ZNF865: variants seen among roughly 807,000 people sequenced by gnomAD.
ZNF865 encodes zinc finger protein 865.
For missense variants in ZNF865, 1,311 were observed against 1,593.4 expected (o/e 0.82, Z 3.02); for synonymous variants, 763 against 750.8 (o/e 1.02, Z -0.27).
Position 55,614,152 on chromosome 19 carries a change from C to A in ZNF865, c.534C>A (p.Gly178=). ...GGCCGGGGGTGACGCCTGGGCTGGG[C>A]GCTCCCGCGGGGGCCCCAGGGCCGC... The part of the protein sequence containing the change: ...ASGPGVTPGL[G]APAGAPGPLP... The change falls in exon 2 of 2, where the codon GGC becomes GGA. Residue 178 remains glycine (G), a synonymous_variant. Coordinates refer to ENST00000568956, the MANE Select transcript of ZNF865 (RefSeq NM_001195605.2). The surrounding 1 kb of genome is among the most constrained non-coding windows in gnomAD (Gnocchi z 8.0). The A allele has an allele frequency of 6.9e-7, 1 of 1,440,594 alleles. No individual in the cohort carries two copies. Among genetic ancestry groups the A allele is most frequent in the Non-Finnish European group, 9.0e-7 (1 of 1,107,230 alleles). The allele number at this position is 1,440,594 out of a possible 1,614,324, so 89.2% of individuals were successfully genotyped here. A position where few individuals can be genotyped will look rare whatever the true frequency, so the allele number is the denominator to read the frequency against.
chr19:55,606,475 T>G (rs1281348912), intron 1 of ZNF865, among the ~76,000 whole-genome samples: 1 of 152,110 alleles, frequency 6.6e-6, no homozygotes, highest in East Asian at 1.9e-4. Flanking sequence ...CTCCCGTACC[T>G]CCTCTCACCC....
At chr19:55,612,035 C>T (rs1981156288) in intron 1 of ZNF865, among the ~76,000 whole-genome samples, 1 of 152,100 alleles carries the variant, frequency 6.6e-6, no homozygotes, top group African/African-American at 2.4e-5. Flanking sequence ...CAGGAGAAGC[C>T]CCACTAAGGG....
chr19:55,614,898 CGGCCCACGCGGGGGCGGGCGCCGGGG>C lies in ZNF865; in HGVS notation c.1285_1310del (p.His429SerfsTer132). On this transcript the variant is annotated frameshift_variant, in exon 2 of 2. Transcript: ENST00000568956. LOFTEE classifies it low-confidence loss of function (END_TRUNC). This position sits in a 1 kb window ranked among gnomAD's most constrained non-coding sequence, Gnocchi z 8.0. ...GCCTCCTACCTCCTCAAGCACCAGG[CGGCCCACGCGGGGGCGGGCGCCGGGG>C]GGCCTCGGCCCGTGTACCCCTGCGA... The C allele has an allele frequency of 6.7e-7, 1 of 1,493,208 alleles. No homozygotes were observed. Among genetic ancestry groups the C allele is most frequent in the Non-Finnish European group, 8.9e-7 (1 of 1,126,106 alleles). The allele number at this position is 1,493,208 out of a possible 1,614,324, so 92.5% of individuals were successfully genotyped here. A position where few individuals can be genotyped will look rare whatever the true frequency, so the allele number is the denominator to read the frequency against.
chr19:55,613,711 C>G lies in ZNF865; in HGVS notation c.93C>G (p.Phe31Leu). 6.5e-7 allele frequency: 1 copy of G among 1,534,648 alleles called. No individual in the cohort carries two copies. The highest frequency in any genetic ancestry group is 8.7e-7 in the Non-Finnish European group (1 of 1,146,256). The change falls in exon 2 of 2, where the codon TTC becomes TTG. Residue 31 changes from phenylalanine (F) to leucine (L), a missense_variant. Phe to Leu is a conservative substitution (Grantham distance 22). Transcript: ENST00000568956. ...EDGVHFQSYP[F>L]DFLEFLNHQR... ...GGGTGCACTTCCAGAGCTACCCCTT[C>G]GACTTCCTGGAATTCCTCAACCACC... is the stretch of plus-strand genomic sequence containing the variant.
rs1478609094 is a variant in ZNF865 at position 55,616,699 on chromosome 19, C to T, written c.3081C>T (p.Ala1027=). Residue 1027 remains alanine, a synonymous_variant, in exon 2 of 2, where the codon GCC becomes GCT. Coordinates refer to ENST00000568956, the MANE Select transcript of ZNF865 (RefSeq NM_001195605.2). The part of the protein sequence containing the change: ...FRCSSCGEGF[A]NTYGLKKHRL... ...GCTCCTCCTGCGGCGAGGGCTTCGC[C>T]AACACCTACGGCCTCAAGAAACACC... 3.9e-6 allele frequency: 6 copies of T among 1,528,996 alleles called. No individual in the cohort carries two copies. In the African/African-American group the frequency reaches 5.5e-5, roughly 14 times the overall value. 94.7% of individuals were successfully genotyped at this position (1,528,996 alleles called of 1,614,324 possible).
chr19:55,611,535 C>T lies in ZNF865; in HGVS notation c.-26-2058C>T, dbSNP rs1256307400. 6.6e-6 allele frequency among the ~76,000 whole-genome samples: 1 copy of T among 152,142 alleles called. No homozygotes were observed. On this transcript the variant is annotated intron_variant, in intron 1 of 1. Transcript: ENST00000568956. This position sits in a 1 kb window ranked among gnomAD's most constrained non-coding sequence, Gnocchi z 4.5. ...GATTAAACGGAGGGGGTGTGAAGGG[C>T]ATGGGATGTTGAGTCTTGTCCAAGG...
chr19:55,614,673 G>A lies in ZNF865; in HGVS notation c.1055G>A (p.Cys352Tyr). 4.5e-6 allele frequency: 7 copies of A among 1,555,134 alleles called. No individual in the cohort carries two copies. The highest frequency in any genetic ancestry group is 6.0e-6 in the Non-Finnish European group (7 of 1,159,132). ...GGGGGTGGCGATGGCCCGTTCGCCT[G>A]CCCACTCTGCTGGAAGGTTTTCAAG... ...ATGGGDGPFA[C>Y]PLCWKVFKKP... is the part of the protein sequence containing the mutation. The change falls in exon 2 of 2, where the codon TGC becomes TAC. Residue 352 changes from cysteine to tyrosine, a missense_variant. Coordinates refer to ENST00000568956, the MANE Select transcript of ZNF865 (RefSeq NM_001195605.2). This position sits in a 1 kb window ranked among gnomAD's most constrained non-coding sequence, Gnocchi z 8.0.
In ZNF865 at chr19:55,613,944, C is replaced by T. The variant is rs1047026371; in HGVS notation, c.326C>T (p.Ser109Leu). ...TCCTCCTCCTCTTCGTCCTCCTCGT[C>T]GTCATCTTCGTCCTCTTCCTCTTCC... Reference protein sequence around the residue: ...SSSSSSSSSSSSSSSSSSSQA... With the variant: ...SSSSSSSSSSLSSSSSSSSQA... Residue 109 changes from serine (S) to leucine (L), a missense_variant, in exon 2 of 2, where the codon TCG becomes TTG. Physicochemically the swap from Ser to Leu is moderately radical, Grantham distance 145. Coordinates refer to ENST00000568956, the MANE Select transcript of ZNF865 (RefSeq NM_001195605.2). 2.0e-4 allele frequency: 300 copies of T among 1,532,950 alleles called. No homozygotes were observed. Among genetic ancestry groups the T allele is most frequent in the Non-Finnish European group, 2.6e-4 (296 of 1,145,106 alleles). The allele number at this position is 1,532,950 out of a possible 1,614,324, so 95.0% of individuals were successfully genotyped here.
At chr19:55,608,380 T>A (rs1254153775) in intron 1 of ZNF865, among the ~76,000 whole-genome samples, 1 of 148,972 alleles carries the variant, frequency 6.7e-6, no homozygotes, top group Non-Finnish European at 1.5e-5. Flanking sequence ...AGTGGTGTGA[T>A]CTTAGCTCGC....
chr19:55,607,288 A>C (rs1300247250), intron 1 of ZNF865, among the ~76,000 whole-genome samples: 2 of 152,108 alleles, frequency 1.3e-5, no homozygotes, highest in Non-Finnish European at 2.9e-5. Flanking sequence ...ATGCTAGTTG[A>C]GGGGGCAGAT....
In ZNF865 at chr19:55,611,239, C is replaced by T. The variant is rs958729181; in HGVS notation, c.-26-2354C>T. ...TTAATATGTGTAACGTGCTTAGAAC[C>T]GTGGCGGGCCTCTAGGAGATGTCCA... On this transcript the variant is annotated intron_variant, in intron 1 of 1. Transcript: ENST00000568956. This position sits in a 1 kb window ranked among gnomAD's most constrained non-coding sequence, Gnocchi z 4.5. Among the ~76,000 whole-genome samples, 6 of 152,102 alleles carry T rather than the reference C, an allele frequency of 3.9e-5. No homozygotes were observed. The highest frequency in any genetic ancestry group is 1.3e-4 in the Admixed American group (2 of 15,264).
chr19:55,609,026 G>T (rs1054571147), intron 1 of ZNF865, among the ~76,000 whole-genome samples: 1 of 152,162 alleles, frequency 6.6e-6, no homozygotes, highest in Non-Finnish European at 1.5e-5. Context: ...TTAGAAGTTT[G>T]TTTGTTTGTT....
chr19:55,613,381 GGAAGGT>G (rs1474252506), intron 1 of ZNF865, among the ~76,000 whole-genome samples: 1 of 152,162 alleles, frequency 6.6e-6, no homozygotes, highest in Non-Finnish European at 1.5e-5. Flanking sequence ...ACACAGAGAG[GGAAGGT>G]GAAGGTGAGT....
Position 55,616,093 on chromosome 19 carries a change from C to T in ZNF865, c.2475C>T (p.Cys825=), listed in dbSNP as rs1456170903. 6.7e-7 allele frequency: 1 copy of T among 1,491,054 alleles called. No homozygotes were observed. Among genetic ancestry groups the T allele is most frequent in the Non-Finnish European group, 8.9e-7 (1 of 1,123,710 alleles). 92.4% of individuals were successfully genotyped at this position (1,491,054 alleles called of 1,614,324 possible). The change falls in exon 2 of 2, where the codon TGC becomes TGT. Residue 825 remains cysteine (C), a synonymous_variant. Transcript: ENST00000568956. The stretch of plus-strand genomic sequence containing the variant: ...GACGGACCCTGGGCTGCGGCCTCTG[C>T]GGCCAGAGCTTCGCGGGCGCCTACG... ...LVRRTLGCGL[C]GQSFAGAYDL...
At position 55,616,239 on chromosome 19, in the gene ZNF865, G is replaced by T; in HGVS notation, c.2621G>T (p.Arg874Leu). Residue 874 changes from arginine to leucine, a missense_variant, in exon 2 of 2, where the codon CGG becomes CTG. Arg to Leu is a moderately radical substitution (Grantham distance 102, BLOSUM62 -2). Transcript: ENST00000568956. ...CACCAGCGCTGCCACACGGAACAGC[G>T]GCCGTACCGATGTGGCGTGTGCGGC... ...MRHQRCHTEQ[R>L]PYRCGVCGRG... 6.6e-7 allele frequency: 1 copy of T among 1,525,218 alleles called. No homozygotes were observed. Among genetic ancestry groups the T allele is most frequent in the East Asian group, 2.5e-5 (1 of 40,466 alleles). 94.5% of individuals were successfully genotyped at this position (1,525,218 alleles called of 1,614,324 possible).
rs991849617 is a variant in ZNF865, at chr19:55,616,985, C to T, written c.*187C>T. ...TCACTCCCATCCTCGACCTCTCTGC[C>T]CTCCCCTCATCCCATCAGACACTGA... On this transcript the variant is annotated 3_prime_UTR_variant, in exon 2 of 2. Coordinates refer to ENST00000568956, the MANE Select transcript of ZNF865 (RefSeq NM_001195605.2). 4.8e-5 allele frequency: 26 copies of T among 543,152 alleles called. No individual in the cohort carries two copies. The highest frequency in any genetic ancestry group is 7.8e-5 in the Admixed American group (2 of 25,706). The allele number at this position is 543,152 out of a possible 1,614,324, so 33.6% of individuals were successfully genotyped here. A position where few individuals can be genotyped will look rare whatever the true frequency, so the allele number is the denominator to read the frequency against.
chr19:55,613,945 G>C lies in ZNF865; in HGVS notation c.327G>C (p.Ser109=), dbSNP rs1341425919. 22 of 1,532,274 alleles carry C rather than the reference G, an allele frequency of 1.4e-5. No homozygotes were observed. Among genetic ancestry groups the C allele is most frequent in the East Asian group, 2.5e-5 (1 of 40,556 alleles). The allele number at this position is 1,532,274 out of a possible 1,614,324, so 94.9% of individuals were successfully genotyped here. A position where few individuals can be genotyped will look rare whatever the true frequency, so the allele number is the denominator to read the frequency against. Residue 109 remains serine, a synonymous_variant, in exon 2 of 2, where the codon TCG becomes TCC. Coordinates refer to ENST00000568956, the MANE Select transcript of ZNF865 (RefSeq NM_001195605.2). ...SSSSSSSSSS[S]SSSSSSSSQA... is the part of the protein sequence containing the mutation. ...CCTCCTCCTCTTCGTCCTCCTCGTC[G>C]TCATCTTCGTCCTCTTCCTCTTCCC...
In ZNF865 at chr19:55,616,090, C is replaced by T; in HGVS notation, c.2472C>T (p.Leu824=). 2 of 1,494,638 alleles carry T rather than the reference C, an allele frequency of 1.3e-6. No homozygotes were observed. Among genetic ancestry groups the T allele is most frequent in the East Asian group, 5.1e-5 (2 of 39,540 alleles). The allele number at this position is 1,494,638 out of a possible 1,614,324, so 92.6% of individuals were successfully genotyped here. A position where few individuals can be genotyped will look rare whatever the true frequency, so the allele number is the denominator to read the frequency against. ...TGCGACGGACCCTGGGCTGCGGCCTCTGCGGCCAGAGCTTCGCGGGCGCCT... is the reference window on the plus strand; with the variant it reads ...TGCGACGGACCCTGGGCTGCGGCCTTTGCGGCCAGAGCTTCGCGGGCGCCT... ...HLVRRTLGCG[L]CGQSFAGAYD... Residue 824 remains leucine (L), a synonymous_variant, in exon 2 of 2, where the codon CTC becomes CTT. Coordinates refer to ENST00000568956, the MANE Select transcript of ZNF865 (RefSeq NM_001195605.2).
chr19:55,616,240 G>C lies in ZNF865; in HGVS notation c.2622G>C (p.Arg874=). The C allele has an allele frequency of 6.6e-7, 1 of 1,525,494 alleles. No homozygotes were observed. The highest frequency in any genetic ancestry group is 8.8e-7 in the Non-Finnish European group (1 of 1,140,814). 94.5% of individuals were successfully genotyped at this position (1,525,494 alleles called of 1,614,324 possible). A position where few individuals can be genotyped will look rare whatever the true frequency, so the allele number is the denominator to read the frequency against. ...MRHQRCHTEQ[R]PYRCGVCGRG... is the part of the protein sequence containing the mutation. ...ACCAGCGCTGCCACACGGAACAGCG[G>C]CCGTACCGATGTGGCGTGTGCGGCC... Residue 874 remains arginine (R), a synonymous_variant, in exon 2 of 2, where the codon CGG becomes CGC. Transcript: ENST00000568956.
Sources: allele counts gnomAD v4.1 joint callset (sites outside exome capture counted in the v4.1 genomes callset), GRCh38; gene constraint gnomAD v4.1.1; non-coding constraint Gnocchi (gnomAD v3.1); transcripts MANE v1.5; gene names NCBI Gene and HGNC (gene_info 2026-07-23, HGNC 2026-07-21).